The following ASMTL variants were observed in gnomAD, a reference collection of about 807,000 sequenced individuals.
ASMTL encodes the protein acetylserotonin O-methyltransferase like.
Under a neutral mutation model 60.3 loss-of-function variants are expected in ASMTL, and 57 were observed. The ratio of observed to expected loss-of-function variants is 0.95; its 90% CI spans 0.76 to 1.18. The LOEUF (loss-of-function observed/expected upper bound fraction) is 1.18, where lower values mean the gene tolerates loss of function less well. Ranked by LOEUF, ASMTL falls within the 50% of genes most tolerant of loss-of-function variation. The pLI, the probability that ASMTL is intolerant of heterozygous loss-of-function variation, is 0.00. For synonymous variants in ASMTL, 419 were observed against 373.0 expected (o/e 1.12, Z -1.42); for missense variants, 981 against 852.6 (o/e 1.15, Z -1.88).
chrX:1,417,233 ACAG>A (rs1478337920), intron 11 of ASMTL, among the ~76,000 whole-genome samples: 1 of 151,266 alleles, frequency 6.6e-6, no homozygotes, highest in Non-Finnish European at 1.5e-5. Context: ...ACACACAACC[ACAG>A]CAGTCACATA....
intron 4 of ASMTL, 37 bp from the exon 5 acceptor site, chrX:1,435,120 G>C (rs201715220): frequency 1.7e-5 from 28 of 1,608,412 alleles, no homozygotes; most frequent in Non-Finnish European, 2.0e-5. Flanking sequence ...TGACCATGCT[G>C]TGACCCGTGG....
chrX:1,433,965 G>C (rs2090887311), intron 5 of ASMTL, among the ~76,000 whole-genome samples: 2 of 152,208 alleles, frequency 1.3e-5, no homozygotes, highest in South Asian at 2.1e-4. Flanking sequence ...GTGAGCGGCA[G>C]GTGGGTGAGA....
In ASMTL at chrX:1,433,624, G is replaced by A. The variant is rs777634764; in HGVS notation, c.401-1247C>T. Among the ~76,000 whole-genome samples, 25 of 151,838 alleles carry A rather than the reference G, an allele frequency of 1.6e-4. No homozygotes were observed. In the South Asian group the frequency reaches 5.2e-3, roughly 32 times the overall value. On this transcript the variant is annotated intron_variant, in intron 5 of 12. Transcript: ENST00000381317. ...GAACCCGGGAGGCGGAGCTTGCAGTGAGCCGAGATGGCGCAAGTGCACTCT... is the reference window on the plus strand; with the variant it reads ...GAACCCGGGAGGCGGAGCTTGCAGTAAGCCGAGATGGCGCAAGTGCACTCT...
intron 1 of ASMTL, among the ~76,000 whole-genome samples, chrX:1,447,181 C>G (rs2091245395): frequency 6.6e-6 from 1 of 152,348 alleles, no homozygotes; most frequent in African/African-American, 2.4e-5. Flanking sequence ...AACCACCTCC[C>G]TCAGCAGGAA....
At chrX:1,434,477 G>A (rs1195031961) in intron 5 of ASMTL, among the ~76,000 whole-genome samples, 1 of 142,368 alleles carries the variant, frequency 7.0e-6, no homozygotes. Context: ...GTGACAGAGG[G>A]AGACCCTGTC....
intron 6 of ASMTL, among the ~76,000 whole-genome samples, chrX:1,430,904 T>A (rs2090754762): frequency 7.0e-6 from 1 of 143,720 alleles, no homozygotes; most frequent in South Asian, 2.1e-4. Flanking sequence ...AATTATATAT[T>A]TATATAACAC....
Position 1,418,002 on chromosome X carries a change from G to T in ASMTL, c.1493C>A (p.Pro498Gln). The T allele has an allele frequency of 1.2e-6, 2 of 1,613,186 alleles. No individual in the cohort carries two copies. The highest frequency in any genetic ancestry group is 2.7e-5 in the African/African-American group (2 of 75,030). Reference sequence around the variant, plus strand: ...TGCGAAGTGGATCTGCACTGCCTGCGGTCCGGGGGGTTGGAAGTGGGCGGC... The same window carrying T: ...TGCGAAGTGGATCTGCACTGCCTGCTGTCCGGGGGGTTGGAAGTGGGCGGC... ...ELAAHFQPPG[P>Q]QAVQIHFAAG... Residue 498 changes from proline (P) to glutamine (Q), a missense_variant, in exon 11 of 13, where the codon CCG (proline) becomes CAG (glutamine). By Grantham distance (76) the Pro-to-Gln change is moderately conservative. Transcript: ENST00000381317.
chrX:1,452,798 C>T lies in ASMTL; in HGVS notation c.43G>A (p.Val15Met), dbSNP rs2091429551. The T allele has an allele frequency of 1.3e-6, 2 of 1,596,952 alleles. No homozygotes were observed. The highest frequency in any genetic ancestry group is 1.7e-6 in the Non-Finnish European group (2 of 1,177,566). Residue 15 changes from valine to methionine, a missense_variant, in exon 1 of 13, where the codon GTG becomes ATG. Coordinates refer to ENST00000381317, the MANE Select transcript of ASMTL (RefSeq NM_004192.4). ...CGTGGGGAGGCGCTGGCCAGCACCA[C>T]GCGCTTGTGCAGCAGCTTCCCAATC... is the stretch of plus-strand genomic sequence containing the variant. ...PVIGKLLHKR[V>M]VLASASPRRQ...
intron 11 of ASMTL, among the ~76,000 whole-genome samples, chrX:1,417,571 C>T (rs1165169318): frequency 6.3e-5 from 1 of 15,962 alleles, no homozygotes. Flanking sequence ...CAGTCATATG[C>T]ACACAGACAC....
chrX:1,433,342 G>A (rs1407192758), intron 5 of ASMTL, among the ~76,000 whole-genome samples: 7 of 151,534 alleles, frequency 4.6e-5, no homozygotes, highest in East Asian at 2.0e-4. Context: ...CCCCAGTGGC[G>A]GATGATGTCG....
rs1603451704 is a variant in ASMTL, at chrX:1,441,915, C to T, written c.225+271G>A. ...ATAACACATAGTAACAGATAAGCTA[C>T]ATTAATTGTATATCATCAATGATAC... On this transcript the variant is annotated intron_variant, in intron 2 of 12. Transcript: ENST00000381317. 1.1e-5 allele frequency: 5 copies of T among 445,612 alleles called. No homozygotes were observed. In the Middle Eastern group the frequency reaches 2.4e-3, roughly 212 times the overall value. 27.6% of individuals were successfully genotyped at this position (445,612 alleles called of 1,614,324 possible). A position where few individuals can be genotyped will look rare whatever the true frequency, so the allele number is the denominator to read the frequency against.
intron 11 of ASMTL, among the ~76,000 whole-genome samples, chrX:1,417,349 A>G (rs2090325969): frequency 6.6e-6 from 1 of 152,032 alleles, no homozygotes; most frequent in South Asian, 2.1e-4. Context: ...ACACGGATGC[A>G]CACACATCAC....
intron 11 of ASMTL, among the ~76,000 whole-genome samples, chrX:1,417,539 G>T (rs1330007348): frequency 1.2e-5 from 1 of 86,898 alleles, no homozygotes; most frequent in Admixed American, 1.4e-4. Flanking sequence ...ACACACACAT[G>T]CACACAGACA....
intron 2 of ASMTL, among the ~76,000 whole-genome samples, chrX:1,441,422 A>G (rs1240779360): frequency 3.3e-5 from 5 of 151,998 alleles, no homozygotes; most frequent in Non-Finnish European, 7.4e-5. Context: ...GATTACAGGC[A>G]CCCGCCACCA....
chrX:1,436,730 G>A (rs28880629), intron 3 of ASMTL, among the ~76,000 whole-genome samples: 13,932 of 152,250 alleles, frequency 0.092, 811 homozygotes, highest in East Asian at 0.22. Flanking sequence ...TTTACCCACT[G>A]ACAGACACTT....
intron 11 of ASMTL, among the ~76,000 whole-genome samples, chrX:1,413,416 A>G (rs533589886): frequency 1.3e-5 from 2 of 152,210 alleles, no homozygotes; most frequent in East Asian, 1.9e-4. Context: ...GTCGGCGCAC[A>G]TGGGCGTGTG....
At position 1,432,362 on chromosome X, in the gene ASMTL, G is replaced by A; in HGVS notation, c.416C>T (p.Thr139Ile). Reference sequence around the variant, plus strand: ...TTCCTCGTAGAATTCCGAGACCCTGGTGTCCAGCTGATGGTCTGCAAGGAC... The same window carrying A: ...TTCCTCGTAGAATTCCGAGACCCTGATGTCCAGCTGATGGTCTGCAAGGAC... Reference protein sequence around the residue: ...HCSSKDHQLDTRVSEFYEETK... With the variant: ...HCSSKDHQLDIRVSEFYEETK... The change falls in exon 6 of 13, where the codon ACC (threonine) becomes ATC (isoleucine). Residue 139 changes from threonine (T) to isoleucine (I), a missense_variant. By Grantham distance (89) the Thr-to-Ile change is moderately conservative. Coordinates refer to ENST00000381317, the MANE Select transcript of ASMTL (RefSeq NM_004192.4). 1 of 1,612,878 alleles carries A rather than the reference G, an allele frequency of 6.2e-7. No individual in the cohort carries two copies. The highest frequency in any genetic ancestry group is 1.1e-5 in the South Asian group (1 of 90,952).
chrX:1,405,938 A>G (rs1181390081), intron 12 of ASMTL, among the ~76,000 whole-genome samples: 2 of 150,288 alleles, frequency 1.3e-5, no homozygotes, highest in Non-Finnish European at 3.0e-5. Context: ...GGATGGATGG[A>G]TGAATGGATG....
At chrX:1,431,886 G>C (rs5989939) in intron 6 of ASMTL, 81,836 of 224,344 alleles carry the variant, frequency 0.36, 15,562 homozygotes, top group African/African-American at 0.42. Context: ...ACGACAGGTA[G>C]AATCACCTCT....
Sources: allele counts gnomAD v4.1 joint callset (sites outside exome capture counted in the v4.1 genomes callset), GRCh38; gene constraint gnomAD v4.1.1; transcripts MANE v1.5; gene names NCBI Gene and HGNC (gene_info 2026-07-23, HGNC 2026-07-21).